Variants in FTO observed in about 807,000 individuals in gnomAD.
FTO encodes the protein FTO alpha-ketoglutarate dependent dioxygenase.
A neutral mutation model predicts 63.9 loss-of-function variants in FTO; 47 were observed. The observed-to-expected ratio is 0.74, with a 90% CI of 0.58 to 0.94. The LOEUF is 0.94. Among genes scored for constraint, FTO ranks in the 40% least tolerant of loss-of-function variants. The pLI, the probability that FTO is intolerant of heterozygous loss-of-function variation, is 0.00. For synonymous variants in FTO, 207 were observed against 224.4 expected (o/e 0.92, Z 0.69); for missense variants, 562 against 618.1 (o/e 0.91, Z 0.96).
chr16:54,085,930 C>T (rs1434380940), intron 8 of FTO, among the ~76,000 whole-genome samples: 1 of 152,152 alleles, frequency 6.6e-6, no homozygotes, highest in Non-Finnish European at 1.5e-5. Flanking sequence ...TTTTGGGGTC[C>T]ACAGTGCCAT....
chr16:53,731,254 A>G (rs2076263657), intron 1 of FTO, among the ~76,000 whole-genome samples: 1 of 152,240 alleles, frequency 6.6e-6, no homozygotes, highest in Non-Finnish European at 1.5e-5. Context: ...TGAACTTCTC[A>G]AATGGTGTGT....
intron 8 of FTO, among the ~76,000 whole-genome samples, chr16:53,982,925 T>C (rs2143828330): frequency 6.6e-6 from 1 of 152,292 alleles, no homozygotes; most frequent in African/African-American, 2.4e-5. Flanking sequence ...ATGCAAACAC[T>C]ACCCAAGCGG....
At chr16:53,867,765 C>T (rs1185433999) in intron 4 of FTO, among the ~76,000 whole-genome samples, 1 of 152,104 alleles carries the variant, frequency 6.6e-6, no homozygotes, top group Middle Eastern at 3.2e-3. Context: ...TTTCTGCCTG[C>T]TGTATCTGTC....
chr16:53,771,985 G>C (rs980461416), intron 1 of FTO, among the ~76,000 whole-genome samples: 6 of 152,004 alleles, frequency 3.9e-5, no homozygotes, highest in African/African-American at 1.4e-4. Context: ...ATGGATGCAG[G>C]GTTTCTTTTT....
intron 1 of FTO, among the ~76,000 whole-genome samples, chr16:53,726,213 T>A (rs2076150330): frequency 6.6e-6 from 1 of 152,246 alleles, no homozygotes; most frequent in Non-Finnish European, 1.5e-5. Context: ...TGAACTACTG[T>A]GTACCTAAAG....
chr16:54,051,946 A>G (rs747642306), intron 8 of FTO, among the ~76,000 whole-genome samples: 2 of 152,214 alleles, frequency 1.3e-5, no homozygotes, highest in African/African-American at 2.4e-5. Flanking sequence ...GTTTGATAAC[A>G]TCTCTGAAGG....
rs535171038 is a variant in FTO, at chr16:53,977,091, C to CA, written c.1364+42986dup. Among the ~76,000 whole-genome samples, 25 of 152,106 alleles carry CA rather than the reference C, an allele frequency of 1.6e-4. No individual in the cohort carries two copies. In the East Asian group the frequency reaches 4.8e-3, roughly 29 times the overall value. ...TTTCCTGTTGTTAATTAGGATATTT[C>CA]AAAAGTTTTGCAGTTAACCTGGAGA... On this transcript the variant is annotated intron_variant, in intron 8 of 8. Transcript: ENST00000471389.
At chr16:53,727,891 C>G (rs1196263532) in intron 1 of FTO, among the ~76,000 whole-genome samples, 1 of 152,088 alleles carries the variant, frequency 6.6e-6, no homozygotes, top group Non-Finnish European at 1.5e-5. Context: ...GTAGGCATTC[C>G]CTGATCTCCT....
intron 1 of FTO, among the ~76,000 whole-genome samples, chr16:53,771,462 A>G (rs947911209): frequency 6.6e-6 from 1 of 152,070 alleles, no homozygotes; most frequent in Non-Finnish European, 1.5e-5. Context: ...CTTCCTATCT[A>G]GTCTCCTTGC....
rs900521037 is a variant in FTO, at chr16:54,055,540, C to T, written c.1365-56222C>T. ...ATATATAGGAATTAAAAAGAGATAA[C>T]GTAAACACTAACAAAGAGTCTTAAT... On this transcript the variant is annotated intron_variant, in intron 8 of 8. Coordinates refer to ENST00000471389, the MANE Select transcript of FTO (RefSeq NM_001080432.3). 6.0e-4 allele frequency among the ~76,000 whole-genome samples: 92 copies of T among 152,266 alleles called. 1 individual carries two copies. The highest frequency in any genetic ancestry group is 5.6e-3 in the Admixed American group (85 of 15,276).
chr16:53,909,532 CTTTTTTTTTT>C lies in FTO; in HGVS notation c.1239+20602_1239+20611del, dbSNP rs58121446. 1.4e-4 allele frequency among the ~76,000 whole-genome samples: 10 copies of C among 71,184 alleles called. No individual in the cohort carries two copies. The South Asian group carries it at 3.2e-3, about 23-fold the overall frequency. 46.7% of individuals were successfully genotyped at this position (71,184 alleles called of 152,430 possible). A position where few individuals can be genotyped will look rare whatever the true frequency, so the allele number is the denominator to read the frequency against. On this transcript the variant is annotated intron_variant, in intron 7 of 8. Transcript: ENST00000471389. ...GAAAAAGAGGGACAGAGAGCCCCGC[CTTTTTTTTTT>C]TTTTTTTTTTTTTTTTTTTTGAGAC... is the stretch of plus-strand genomic sequence containing the variant.
chr16:53,874,481 T>C (rs972313245), intron 5 of FTO, among the ~76,000 whole-genome samples: 3 of 152,208 alleles, frequency 2.0e-5, no homozygotes, highest in Admixed American at 2.0e-4. Context: ...TGGGGTCCCA[T>C]GTACTCAGTT....
At chr16:53,726,861 A>G (rs999050618) in intron 1 of FTO, among the ~76,000 whole-genome samples, 11 of 152,146 alleles carry the variant, frequency 7.2e-5, no homozygotes, top group Non-Finnish European at 1.6e-4. Context: ...AATGACAGGC[A>G]TTGGCCTGCA....
At chr16:53,883,627 AAAAAAAAAC>A (rs1273234958) in intron 6 of FTO, among the ~76,000 whole-genome samples, 1 of 145,974 alleles carries the variant, frequency 6.9e-6, no homozygotes, top group African/African-American at 2.6e-5. Context: ...TATCTCAAAA[AAAAAAAAAC>A]AAAAAAAAAA....
chr16:53,801,948 C>T lies in FTO; in HGVS notation c.46-8192C>T, dbSNP rs560877338. Among the ~76,000 whole-genome samples the T allele has an allele frequency of 1.7e-3, 264 of 151,820 alleles. 1 individual carries two copies. Among genetic ancestry groups the T allele is most frequent in the Non-Finnish European group, 3.3e-3 (222 of 67,968 alleles). ...CTAATTTTTGTATTTTTAGTATAGA[C>T]GAGGTTTCGCCATGTTGGCCAGGCT... is the stretch of plus-strand genomic sequence containing the variant. On this transcript the variant is annotated intron_variant, in intron 1 of 8. Coordinates refer to ENST00000471389, the MANE Select transcript of FTO (RefSeq NM_001080432.3).
chr16:53,872,938 T>C (rs1228173845), intron 4 of FTO, among the ~76,000 whole-genome samples: 4 of 152,202 alleles, frequency 2.6e-5, no homozygotes, highest in African/African-American at 9.7e-5. Flanking sequence ...TCTTAGGATA[T>C]ATAACAACTT....
chr16:54,069,218 G>A (rs1567552014), intron 8 of FTO, among the ~76,000 whole-genome samples: 1 of 151,874 alleles, frequency 6.6e-6, no homozygotes, highest in Admixed American at 6.6e-5. Context: ...TGGCACACTC[G>A]GCCAGACCCA....
intron 8 of FTO, among the ~76,000 whole-genome samples, chr16:53,994,820 G>A (rs908182183): frequency 6.6e-6 from 1 of 150,902 alleles, no homozygotes; most frequent in South Asian, 2.1e-4. Flanking sequence ...AGCAATTTCC[G>A]TCTCCCAGGT....
Position 53,844,180 on chromosome 16 carries a change from C to T in FTO, c.777C>T (p.Asp259=). Residue 259 remains aspartate (D), a synonymous_variant, in exon 4 of 9, where the codon GAC becomes GAT. Transcript: ENST00000471389. ...CEGPEEESED[D]SHLEGRDPDI... ...GCCCTGAAGAGGAAAGTGAGGATGA[C>T]TCTCATCTCGAAGGCAGGGATCCTG... The T allele has an allele frequency of 6.2e-7, 1 of 1,612,804 alleles. No individual in the cohort carries two copies. Among genetic ancestry groups the T allele is most frequent in the Non-Finnish European group, 8.5e-7 (1 of 1,178,996 alleles).
Sources: gnomAD v4.1 joint callset for allele counts (sites outside exome capture counted in the v4.1 genomes callset) on GRCh38, gnomAD v4.1.1 for gene constraint, MANE v1.5 for transcripts, NCBI Gene and HGNC (gene_info 2026-07-23, HGNC 2026-07-21) for gene names.